CLVS2: variants seen among roughly 807,000 people sequenced by gnomAD.
The protein encoded by CLVS2 is clavesin-2.
CLVS2 carries 19 observed loss-of-function variants against 29.0 expected under a neutral mutation model. The observed-to-expected ratio is 0.66, with a 90% CI of 0.46 to 0.96. The LOEUF is 0.96. Among genes scored for constraint, CLVS2 ranks in the 40% least tolerant of loss-of-function variants. CLVS2 has a pLI of 0.00. For synonymous variants in CLVS2, 161 were observed against 151.3 expected, an observed-to-expected ratio of 1.06 and a Z score of -0.47; for missense variants, 294 against 404.1, an observed-to-expected ratio of 0.73 and a Z score of 2.34.
rs1454239099 is a variant in CLVS2, at chr6:123,048,612, G to T, written c.565-10G>T. 1.9e-6 allele frequency: 3 copies of T among 1,583,542 alleles called. No homozygotes were observed. The highest frequency in any genetic ancestry group is 1.3e-5 in the African/African-American group (1 of 74,074). ...ATATTTTGATTGTTTTTTTCTCCAT[G>T]TTACTCTAGGATAGTTTCCCAGCGC... On this transcript the variant is annotated splice_polypyrimidine_tract_variant and intron_variant, in intron 3 of 5. Transcript: ENST00000275162.
intron 2 of CLVS2, among the ~76,000 whole-genome samples, chr6:123,000,849 CAG>C (rs1214637862): frequency 6.6e-6 from 1 of 152,116 alleles, no homozygotes; most frequent in Admixed American, 6.5e-5. Context: ...TTTAAAGAAA[CAG>C]TGTGTGAGAA....
chr6:123,009,128 T>G (rs1299114762), intron 2 of CLVS2, among the ~76,000 whole-genome samples: 1 of 152,034 alleles, frequency 6.6e-6, no homozygotes, highest in Non-Finnish European at 1.5e-5. Flanking sequence ...CTGTGCAAAA[T>G]TGCACAAATG....
intron 3 of CLVS2, among the ~76,000 whole-genome samples, chr6:123,041,111 C>A (rs180951268): frequency 3.3e-5 from 5 of 151,868 alleles, no homozygotes; most frequent in African/African-American, 4.8e-5. Flanking sequence ...AGAAATAATG[C>A]CCAAGTGAAA....
intron 3 of CLVS2, 54 bp from the exon 4 acceptor site, chr6:123,048,568 C>G: frequency 8.4e-7 from 1 of 1,190,136 alleles, no homozygotes; most frequent in Non-Finnish European, 1.3e-6. Flanking sequence ...TTTCCTAAAC[C>G]TTCTCAGTCT....
chr6:122,997,801 C>G lies in CLVS2; in HGVS notation c.24C>G (p.Leu8=). Residue 8 remains leucine, a synonymous_variant, in exon 2 of 6, where the codon CTC becomes CTG. Coordinates refer to ENST00000275162, the MANE Select transcript of CLVS2 (RefSeq NM_001010852.4). ...CAATGACTCATTTGCAAGCCGGTCT[C>G]TCCCCTGAGACCCTGGAGAAAGCTC... MTHLQAG[L]SPETLEKARL... is the part of the protein sequence containing the mutation. 1 of 1,614,054 alleles carries G rather than the reference C, an allele frequency of 6.2e-7. No individual in the cohort carries two copies. Among genetic ancestry groups the G allele is most frequent in the South Asian group, 1.1e-5 (1 of 91,078 alleles).
intron 2 of CLVS2, among the ~76,000 whole-genome samples, chr6:123,007,110 A>G (rs575566146): frequency 6.6e-6 from 1 of 152,338 alleles, no homozygotes; most frequent in South Asian, 2.1e-4. Flanking sequence ...TGTCCTCACA[A>G]TAATTCTATG....
intron 3 of CLVS2, among the ~76,000 whole-genome samples, chr6:123,025,834 T>C (rs1220477591): frequency 1.3e-5 from 2 of 152,196 alleles, no homozygotes; most frequent in East Asian, 3.9e-4. Flanking sequence ...CATAGTTGAA[T>C]GTCTCCCTCT....
intron 5 of CLVS2, among the ~76,000 whole-genome samples, chr6:123,060,351 T>C (rs1240736914): frequency 1.3e-5 from 2 of 152,212 alleles, no homozygotes; most frequent in Non-Finnish European, 2.9e-5. Context: ...CGCCAATGCC[T>C]AAGATAGTGC....
At chr6:123,025,409 C>G (rs565102964) in intron 3 of CLVS2, among the ~76,000 whole-genome samples, 4 of 152,128 alleles carry the variant, frequency 2.6e-5, no homozygotes, top group Non-Finnish European at 5.9e-5. Context: ...GCTTTGAGAC[C>G]AGCAGCATCT....
In CLVS2 at chr6:122,997,589, CAG is replaced by C. The variant is rs1357902307; in HGVS notation, c.-188_-187del. The C allele has an allele frequency of 2.6e-5, 16 of 625,160 alleles. No homozygotes were observed. Among genetic ancestry groups the C allele is most frequent in the East Asian group, 8.3e-5 (3 of 35,944 alleles). 38.7% of individuals were successfully genotyped at this position (625,160 alleles called of 1,614,324 possible). ...AGAAGTTTACACCCCCCGGCCCCCC[CAG>C]CTTTGCTGGGGGAAAGCAGGAGCAA... On this transcript the variant is annotated 5_prime_UTR_variant, in exon 2 of 6. It removes the in-frame stop codon of an upstream open reading frame in the 5' UTR. Coordinates refer to ENST00000275162, the MANE Select transcript of CLVS2 (RefSeq NM_001010852.4).
At chr6:123,024,934 A>G (rs1774979693) in intron 3 of CLVS2, among the ~76,000 whole-genome samples, 1 of 152,116 alleles carries the variant, frequency 6.6e-6, no homozygotes, top group Non-Finnish European at 1.5e-5. Flanking sequence ...CAACCAAAAG[A>G]AATTCAAAGG....
At chr6:123,007,209 C>T (rs1419985848) in intron 2 of CLVS2, among the ~76,000 whole-genome samples, 1 of 152,138 alleles carries the variant, frequency 6.6e-6, no homozygotes, top group South Asian at 2.1e-4. Flanking sequence ...TTGTAGAAGT[C>T]ATAGAAGTTA....
At chr6:123,053,637 G>A (rs1413890502) in intron 4 of CLVS2, among the ~76,000 whole-genome samples, 1 of 152,146 alleles carries the variant, frequency 6.6e-6, no homozygotes, top group African/African-American at 2.4e-5. Context: ...TTTGGACTAT[G>A]AATATAGACA....
Position 123,070,758 on chromosome 6 carries a change from C to T in CLVS2, c.*6997C>T, listed in dbSNP as rs1171155833. ...CTGAAGTTCTCTACCCCGTTCTTGCCTTTTCTTAGATAATCTCTTAAGAAT... is the reference window on the plus strand; with the variant it reads ...CTGAAGTTCTCTACCCCGTTCTTGCTTTTTCTTAGATAATCTCTTAAGAAT... On this transcript the variant is annotated 3_prime_UTR_variant, in exon 6 of 6. Coordinates refer to ENST00000275162, the MANE Select transcript of CLVS2 (RefSeq NM_001010852.4). 1.3e-5 allele frequency: 2 copies of T among 151,938 alleles called. No individual in the cohort carries two copies. The highest frequency in any genetic ancestry group is 2.9e-5 in the Non-Finnish European group (2 of 67,928). The allele number at this position is 151,938 out of a possible 1,614,324, so 9.4% of individuals were successfully genotyped here.
chr6:123,048,913 G>A (rs1173450165), intron 4 of CLVS2, among the ~76,000 whole-genome samples, 181 bp downstream of exon 4: 2 of 152,102 alleles, frequency 1.3e-5, no homozygotes, highest in African/African-American at 4.8e-5. Context: ...TGTGAAAGAA[G>A]CATTTAAAAG....
At chr6:123,039,487 G>A (rs967171596) in intron 3 of CLVS2, among the ~76,000 whole-genome samples, 2 of 152,132 alleles carry the variant, frequency 1.3e-5, no homozygotes, top group Non-Finnish European at 2.9e-5. Context: ...TTTGCTCTGC[G>A]TTCTCTCCTG....
intron 3 of CLVS2, among the ~76,000 whole-genome samples, chr6:123,044,116 C>T (rs1775273650): frequency 6.6e-6 from 1 of 152,134 alleles, no homozygotes; most frequent in African/African-American, 2.4e-5. Flanking sequence ...GGTGAATTGG[C>T]AAAACCATTT....
At chr6:123,059,510 C>T (rs562161298) in intron 5 of CLVS2, among the ~76,000 whole-genome samples, 1 of 152,248 alleles carries the variant, frequency 6.6e-6, no homozygotes, top group African/African-American at 2.4e-5. Flanking sequence ...CCATCAGTGG[C>T]CCCCTTTAAG....
intron 5 of CLVS2, among the ~76,000 whole-genome samples, chr6:123,061,039 G>T (rs566757115): frequency 6.6e-6 from 1 of 152,358 alleles, no homozygotes; most frequent in African/African-American, 2.4e-5. Context: ...AGTGGCCCAT[G>T]CCTGTAATCC....
Sources: allele counts gnomAD v4.1 joint callset (sites outside exome capture counted in the v4.1 genomes callset), GRCh38; gene constraint gnomAD v4.1.1; transcripts MANE v1.5; gene names NCBI Gene and HGNC (gene_info 2026-07-23, HGNC 2026-07-21).